CREB3L2: variants seen among roughly 807,000 people sequenced by gnomAD.
The protein encoded by CREB3L2 is cAMP responsive element binding protein 3 like 2.
In CREB3L2, 23 loss-of-function variants were observed where a neutral mutation model predicts 57.2. The observed-to-expected ratio is 0.40, with a 90% confidence interval of 0.29 to 0.57. The LOEUF (loss-of-function observed/expected upper bound fraction) is 0.57. CREB3L2 is among the 20% of genes least tolerant of loss of function. CREB3L2 has a pLI of 0.42. For synonymous variants in CREB3L2, 268 were observed against 265.1 expected (o/e 1.01, Z -0.11); for missense variants, 628 against 634.7 (o/e 0.99, Z 0.11).
At chr7:137,958,493 C>A (rs141105713) in intron 1 of CREB3L2, among the ~76,000 whole-genome samples, 1 of 152,088 alleles carries the variant, frequency 6.6e-6, no homozygotes, top group South Asian at 2.1e-4. Context: ...AGTGGAGACC[C>A]TGCCTGTTCA....
intron 1 of CREB3L2, among the ~76,000 whole-genome samples, chr7:137,969,789 C>CACACAACAT (rs1801475614): frequency 6.9e-6 from 1 of 145,780 alleles, no homozygotes; most frequent in Admixed American, 6.9e-5. Context: ...CACACACACA[C>CACACAACAT]ACACAACATA....
At position 137,899,065 on chromosome 7, in the gene CREB3L2, G is replaced by GAA. The variant is rs1307732035; in HGVS notation, c.1043+2288_1043+2289insTT. 6.3e-4 allele frequency among the ~76,000 whole-genome samples: 56 copies of GAA among 88,748 alleles called. 1 individual carries two copies. Among genetic ancestry groups the GAA allele is most frequent in the African/African-American group, 1.2e-3 (32 of 27,120 alleles). 58.2% of individuals were successfully genotyped at this position (88,748 alleles called of 152,430 possible). A position where few individuals can be genotyped will look rare whatever the true frequency, so the allele number is the denominator to read the frequency against. On this transcript the variant is annotated intron_variant, in intron 8 of 11. Coordinates refer to ENST00000330387, the MANE Select transcript of CREB3L2 (RefSeq NM_194071.4). The stretch of plus-strand genomic sequence containing the variant: ...GAAAAAAGAAAGAAAGAAAAAGAAA[G>GAA]AGAAAGAAAGAAAAGGAAGAAAAAG...
At chr7:137,965,737 G>A (rs138634601) in intron 1 of CREB3L2, among the ~76,000 whole-genome samples, 11 of 152,258 alleles carry the variant, frequency 7.2e-5, no homozygotes, top group East Asian at 1.9e-4. Flanking sequence ...CCAGGGTAAC[G>A]TCCACTCAAA....
intron 10 of CREB3L2, among the ~76,000 whole-genome samples, 170 bp from the exon 11 acceptor site, chr7:137,882,798 G>A (rs557792646): frequency 2.6e-5 from 4 of 152,264 alleles, no homozygotes; most frequent in South Asian, 2.1e-4. Context: ...TTAGAGCTTC[G>A]GAGTTTGTGC....
intron 1 of CREB3L2, chr7:137,955,263 G>A (rs1349083193): frequency 8.5e-6 from 11 of 1,288,814 alleles, no homozygotes; most frequent in East Asian, 5.6e-5. Flanking sequence ...GAAAAAGCAC[G>A]TGTTCACAGA....
At chr7:137,881,851 T>C (rs1181097799) in intron 11 of CREB3L2, among the ~76,000 whole-genome samples, 2 of 152,200 alleles carry the variant, frequency 1.3e-5, no homozygotes, top group Non-Finnish European at 2.9e-5. Context: ...TGGAGCCAAA[T>C]AGAGGTTGTT....
intron 1 of CREB3L2, among the ~76,000 whole-genome samples, chr7:137,983,771 A>C (rs1290822309): frequency 1.3e-5 from 2 of 151,812 alleles, no homozygotes; most frequent in Non-Finnish European, 2.9e-5. Flanking sequence ...CTAGGCCTTC[A>C]CTCCTCAGGG....
rs1008726038 is a variant in CREB3L2 at position 137,875,268 on chromosome 7, T to C, written c.*5208A>G. The C allele has an allele frequency of 4.6e-5, 10 of 219,184 alleles. No homozygotes were observed. The highest frequency in any genetic ancestry group is 9.2e-5 in the Non-Finnish European group (10 of 108,972). 13.6% of individuals were successfully genotyped at this position (219,184 alleles called of 1,614,324 possible). Reference sequence around the variant, plus strand: ...AGACATTAAAGCTCACCGTTGATTATAGCTCAGGGCCTGCTCAGCATTGTT... The same window carrying C: ...AGACATTAAAGCTCACCGTTGATTACAGCTCAGGGCCTGCTCAGCATTGTT... On this transcript the variant is annotated 3_prime_UTR_variant, in exon 12 of 12. Transcript: ENST00000330387.
chr7:137,976,429 T>C (rs1275772373), intron 1 of CREB3L2, among the ~76,000 whole-genome samples: 2 of 151,888 alleles, frequency 1.3e-5, no homozygotes, highest in African/African-American at 2.4e-5. Flanking sequence ...GGCTGCATAT[T>C]ACAATCATCT....
chr7:137,887,185 C>T (rs6963146), intron 8 of CREB3L2, among the ~76,000 whole-genome samples: 61,200 of 152,048 alleles, frequency 0.4, 15,771 homozygotes, highest in African/African-American at 0.75. Context: ...TTGCTTCTCA[C>T]CACAGTCTAC....
chr7:137,902,039 C>T (rs1799772393), intron 7 of CREB3L2, among the ~76,000 whole-genome samples: 2 of 150,984 alleles, frequency 1.3e-5, no homozygotes, highest in Non-Finnish European at 3.0e-5. Context: ...ACTAAAAATG[C>T]AAAAATTAGC....
At chr7:137,958,851 A>T (rs532579595) in intron 1 of CREB3L2, among the ~76,000 whole-genome samples, 1 of 152,360 alleles carries the variant, frequency 6.6e-6, no homozygotes, top group East Asian at 1.9e-4. Flanking sequence ...ATTAAATCCA[A>T]GGAAGGTCCA....
intron 1 of CREB3L2, among the ~76,000 whole-genome samples, chr7:137,976,137 G>A (rs912972005): frequency 4.6e-5 from 7 of 152,262 alleles, no homozygotes; most frequent in Non-Finnish European, 1.0e-4. Flanking sequence ...GCCAAGTATT[G>A]GGTTCAATAT....
At chr7:137,887,448 C>T (rs1171348094) in intron 8 of CREB3L2, among the ~76,000 whole-genome samples, 2 of 152,188 alleles carry the variant, frequency 1.3e-5, no homozygotes, top group Non-Finnish European at 2.9e-5. Flanking sequence ...GTGGCTCACG[C>T]CTGTAATCCC....
chr7:137,882,212 G>GT (rs911470751), intron 11 of CREB3L2, among the ~76,000 whole-genome samples, 200 bp downstream of exon 11: 2 of 152,132 alleles, frequency 1.3e-5, no homozygotes, highest in African/African-American at 2.4e-5. Flanking sequence ...GCTCACGCTG[G>GT]TTTTTTTCCT....
At chr7:137,929,369 T>C (rs7777412) in intron 1 of CREB3L2, among the ~76,000 whole-genome samples, 32,096 of 151,928 alleles carry the variant, frequency 0.21, 4,718 homozygotes, top group African/African-American at 0.4. Context: ...TAATTCGTTG[T>C]GAAGGGCAGG....
chr7:137,913,054 T>G lies in CREB3L2; in HGVS notation c.520A>C (p.Ile174Leu), dbSNP rs769066857. 5.0e-6 allele frequency: 8 copies of G among 1,613,784 alleles called. No homozygotes were observed. In the South Asian group the frequency reaches 7.7e-5, roughly 16 times the overall value. ...TGAGGCTCCAGCTTAATTTTAGGAATAATGGTCTGGCACGAGGAATCAACC... is the reference window on the plus strand; with the variant it reads ...TGAGGCTCCAGCTTAATTTTAGGAAGAATGGTCTGGCACGAGGAATCAACC... ...TGVDSSCQTI[I>L]PKIKLEPHEV... Residue 174 changes from isoleucine to leucine, a missense_variant, in exon 4 of 12, where the codon ATT becomes CTT. Ile to Leu is a conservative substitution (Grantham distance 5). Transcript: ENST00000330387.
intron 8 of CREB3L2, among the ~76,000 whole-genome samples, chr7:137,891,737 G>A (rs778475055): frequency 1.6e-4 from 25 of 152,020 alleles, no homozygotes; most frequent in Non-Finnish European, 3.5e-4. Context: ...CACCACGCCC[G>A]GCTAATTTTT....
intron 7 of CREB3L2, among the ~76,000 whole-genome samples, chr7:137,902,121 G>T (rs1799774775): frequency 6.8e-6 from 1 of 148,126 alleles, no homozygotes; most frequent in South Asian, 2.2e-4. Flanking sequence ...TTGAACCTGG[G>T]AGGCAGAGGT....
Sources: gnomAD v4.1 joint callset for allele counts (sites outside exome capture counted in the v4.1 genomes callset) on GRCh38, gnomAD v4.1.1 for gene constraint, MANE v1.5 for transcripts, NCBI Gene and HGNC (gene_info 2026-07-23, HGNC 2026-07-21) for gene names.